The following SGCD variants were observed in gnomAD, a reference collection of about 807,000 sequenced individuals.
The protein encoded by SGCD is sarcoglycan delta.
A neutral mutation model predicts 36.6 loss-of-function variants in SGCD; 18 were observed. The ratio of observed to expected loss-of-function variants is 0.49; its 90% CI spans 0.34 to 0.73. The LOEUF is 0.73. Among genes scored for constraint, SGCD ranks in the 30% least tolerant of loss-of-function variants. The probability of loss-of-function intolerance (pLI) is 0.01; values close to 1 mark genes in which losing one functional copy is unlikely to be tolerated. For missense variants in SGCD, 387 were observed against 346.7 expected (o/e 1.12, Z -0.92); for synonymous variants, 133 against 130.6 (o/e 1.02, Z -0.12).
chr5:156,461,595 A>G (rs1341194913), intron 3 of SGCD, among the ~76,000 whole-genome samples: 1 of 152,092 alleles, frequency 6.6e-6, no homozygotes, highest in Non-Finnish European at 1.5e-5. Flanking sequence ...CATTTTTGCC[A>G]TGGATTTTCA....
intron 3 of SGCD, among the ~76,000 whole-genome samples, chr5:156,140,047 C>T (rs1015830668): frequency 3.9e-5 from 6 of 152,232 alleles, no homozygotes; most frequent in Non-Finnish European, 7.3e-5. Context: ...CACCTGACAA[C>T]AAACTTGCCA....
intron 3 of SGCD, among the ~76,000 whole-genome samples, chr5:156,474,771 G>C (rs1755110449): frequency 6.6e-6 from 1 of 152,194 alleles, no homozygotes; most frequent in African/African-American, 2.4e-5. Context: ...TGCCCAGTGA[G>C]TGCCAGAGTT....
chr5:156,429,090 A>G (rs1439586474), intron 3 of SGCD, among the ~76,000 whole-genome samples: 1 of 151,826 alleles, frequency 6.6e-6, no homozygotes, highest in Non-Finnish European at 1.5e-5. Context: ...TGATTGATCT[A>G]GTGTTTTATT....
At chr5:156,584,497 TA>T (rs567146941) in intron 4 of SGCD, among the ~76,000 whole-genome samples, 58 of 152,318 alleles carry the variant, frequency 3.8e-4, no homozygotes, top group African/African-American at 1.3e-3. Context: ...TACAGTGGAT[TA>T]ATAAGGGGCA....
At chr5:156,553,636 C>T (rs984736159) in intron 4 of SGCD, among the ~76,000 whole-genome samples, 2 of 152,170 alleles carry the variant, frequency 1.3e-5, no homozygotes, top group African/African-American at 4.8e-5. Context: ...TTCTTACAAC[C>T]CCTGGCAACC....
chr5:156,629,855 CTTTTT>C (rs560099325), intron 6 of SGCD, among the ~76,000 whole-genome samples: 1 of 85,626 alleles, frequency 1.2e-5, no homozygotes, highest in Non-Finnish European at 2.4e-5. Flanking sequence ...GAGACTTTTT[CTTTTT>C]TTTTTTTTTT....
At chr5:156,548,109 TGA>T (rs1041650811) in intron 4 of SGCD, among the ~76,000 whole-genome samples, 9 of 152,224 alleles carry the variant, frequency 5.9e-5, no homozygotes, top group African/African-American at 2.2e-4. Flanking sequence ...GCACATAGCC[TGA>T]GTCACTAAAG....
chr5:155,880,875 C>T (rs1755866929), intron 1 of SGCD, among the ~76,000 whole-genome samples: 1 of 152,066 alleles, frequency 6.6e-6, no homozygotes, highest in African/African-American at 2.4e-5. Context: ...ATCTATCTTT[C>T]TGGTGTTTTT....
intron 1 of SGCD, among the ~76,000 whole-genome samples, chr5:155,924,672 G>T (rs551615765): frequency 2.1e-4 from 32 of 152,276 alleles, no homozygotes; most frequent in African/African-American, 7.7e-4. Context: ...CGGAGAATAT[G>T]CCCTTCTGCT....
At chr5:156,555,607 C>T (rs1211256095) in intron 4 of SGCD, among the ~76,000 whole-genome samples, 1 of 150,052 alleles carries the variant, frequency 6.7e-6, no homozygotes, top group Non-Finnish European at 1.5e-5. Flanking sequence ...TAACATAGTG[C>T]TTTCATTATT....
At chr5:155,969,244 C>A (rs527443469) in intron 1 of SGCD, among the ~76,000 whole-genome samples, 1 of 152,012 alleles carries the variant, frequency 6.6e-6, no homozygotes, top group African/African-American at 2.4e-5. Flanking sequence ...ATTGACATGG[C>A]ATAGGTAGAC....
At chr5:155,866,322 C>T (rs1755523827), upstream of SGCD, among the ~76,000 whole-genome samples, 1 of 152,156 alleles carries the variant, frequency 6.6e-6, no homozygotes, top group African/African-American at 2.4e-5. Flanking sequence ...TGCCTGGATT[C>T]AGGCTGAGGT....
At chr5:156,446,730 C>T (rs1158657069) in intron 3 of SGCD, among the ~76,000 whole-genome samples, 1 of 151,972 alleles carries the variant, frequency 6.6e-6, no homozygotes, top group African/African-American at 2.4e-5. Flanking sequence ...TGCAAATTAC[C>T]CTTTGGTAAA....
intron 3 of SGCD, among the ~76,000 whole-genome samples, chr5:156,163,008 TGGTG>T (rs965160847): frequency 6.6e-5 from 10 of 151,588 alleles, no homozygotes; most frequent in African/African-American, 2.4e-4. Flanking sequence ...TCTGCTTGCC[TGGTG>T]GGTATTGGGA....
chr5:156,065,469 G>A (rs1760320723), intron 1 of SGCD, among the ~76,000 whole-genome samples: 1 of 111,498 alleles, frequency 9.0e-6, no homozygotes, highest in Admixed American at 8.6e-5. Flanking sequence ...GTGCAGAGCT[G>A]AGTTCAATTC....
chr5:155,821,958 G>T, the SGCD span, among the ~76,000 whole-genome samples: 1 of 152,138 alleles, frequency 6.6e-6, no homozygotes, highest in African/African-American at 2.4e-5. Context: ...TATAATACAT[G>T]TTAGCTTTGT....
chr5:156,076,979 T>G (rs1760803383), intron 1 of SGCD, among the ~76,000 whole-genome samples: 1 of 152,230 alleles, frequency 6.6e-6, no homozygotes, highest in South Asian at 2.1e-4. Context: ...TTTGTTTTAC[T>G]GCTTTTAAGT....
chr5:156,688,688 A>G (rs949001129), intron 7 of SGCD, among the ~76,000 whole-genome samples: 4 of 152,312 alleles, frequency 2.6e-5, no homozygotes, highest in African/African-American at 9.6e-5. Context: ...TATCCCAGGC[A>G]GGGCTGCCAG....
At chr5:156,550,047 G>C (rs991905561) in intron 4 of SGCD, among the ~76,000 whole-genome samples, 5 of 152,154 alleles carry the variant, frequency 3.3e-5, no homozygotes, top group African/African-American at 1.2e-4. Flanking sequence ...TTCACAAATG[G>C]AAAAACTGAT....
Sources: allele counts gnomAD v4.1 joint callset (sites outside exome capture counted in the v4.1 genomes callset), GRCh38; gene constraint gnomAD v4.1.1; transcripts MANE v1.5; gene names NCBI Gene and HGNC (gene_info 2026-07-23, HGNC 2026-07-21).